Variants in CHCHD3 observed in about 807,000 individuals in gnomAD.
CHCHD3 encodes the protein MICOS complex subunit MIC19.
A neutral mutation model predicts 38.2 loss-of-function variants in CHCHD3; 20 were observed. The ratio of observed to expected loss-of-function variants is 0.52; its 90% CI spans 0.37 to 0.76. The LOEUF (loss-of-function observed/expected upper bound fraction) is 0.76. Ranked by LOEUF, CHCHD3 falls within the 30% of genes least tolerant of loss-of-function variation. The pLI is 0.00. For synonymous variants in CHCHD3, 82 were observed against 100.0 expected, an observed-to-expected ratio of 0.82 and a Z score of 1.07; for missense variants, 245 against 279.2, an observed-to-expected ratio of 0.88 and a Z score of 0.87.
At chr7:132,996,242 T>C (rs571098254) in intron 3 of CHCHD3, among the ~76,000 whole-genome samples, 43 of 152,282 alleles carry the variant, frequency 2.8e-4, no homozygotes, top group African/African-American at 9.9e-4. Flanking sequence ...CTGTGGACCT[T>C]TATGCAGGGC....
intron 5 of CHCHD3, among the ~76,000 whole-genome samples, chr7:132,868,311 T>C (rs1405303518): frequency 2.6e-5 from 4 of 152,186 alleles, no homozygotes; most frequent in Admixed American, 2.6e-4. Flanking sequence ...TACAGATCTT[T>C]TTGAAAAGTT....
At chr7:132,837,574 G>C (rs916649232) in intron 6 of CHCHD3, among the ~76,000 whole-genome samples, 8 of 152,142 alleles carry the variant, frequency 5.3e-5, no homozygotes, top group African/African-American at 1.9e-4. Context: ...AAATTGTACT[G>C]TAGCAGAAAG....
At chr7:133,004,054 G>A (rs990291117) in intron 3 of CHCHD3, among the ~76,000 whole-genome samples, 2 of 151,944 alleles carry the variant, frequency 1.3e-5, no homozygotes, top group African/African-American at 2.4e-5. Flanking sequence ...GCCGTGGAGC[G>A]ATTCTCCTGC....
chr7:132,875,516 C>A (rs376090053), intron 5 of CHCHD3, among the ~76,000 whole-genome samples: 44 of 152,188 alleles, frequency 2.9e-4, no homozygotes, highest in African/African-American at 9.6e-4. Flanking sequence ...TAACTTTCCC[C>A]CCAAAATCCC....
intron 4 of CHCHD3, among the ~76,000 whole-genome samples, chr7:132,901,470 C>CA (rs1809665833): frequency 6.6e-6 from 1 of 152,214 alleles, no homozygotes; most frequent in African/African-American, 2.4e-5. Context: ...GAGGCAAAGG[C>CA]AAAGGCCACA....
chr7:132,855,938 G>A (rs561875535), intron 5 of CHCHD3, among the ~76,000 whole-genome samples: 4 of 152,034 alleles, frequency 2.6e-5, no homozygotes, highest in Non-Finnish European at 5.9e-5. Context: ...TAGAGGACCA[G>A]TAAACAAGTC....
intron 5 of CHCHD3, among the ~76,000 whole-genome samples, chr7:132,846,031 C>T (rs534658437): frequency 6.6e-6 from 1 of 152,282 alleles, no homozygotes; most frequent in Admixed American, 6.5e-5. Flanking sequence ...TATACCCTCC[C>T]CTGTTCTCTC....
chr7:132,963,401 G>A (rs1023017396), intron 4 of CHCHD3, among the ~76,000 whole-genome samples: 2 of 145,334 alleles, frequency 1.4e-5, no homozygotes, highest in Non-Finnish European at 3.0e-5. Context: ...GGAGGCCAAG[G>A]CGGGCGGATC....
chr7:133,054,896 G>A (rs553969776), intron 2 of CHCHD3, among the ~76,000 whole-genome samples: 7 of 152,244 alleles, frequency 4.6e-5, no homozygotes, highest in Admixed American at 2.6e-4. Context: ...AGTGTTTCTT[G>A]AGCACCTTCT....
At chr7:132,817,501 C>G (rs1807229833) in intron 6 of CHCHD3, among the ~76,000 whole-genome samples, 1 of 152,058 alleles carries the variant, frequency 6.6e-6, no homozygotes, top group Non-Finnish European at 1.5e-5. Context: ...GTGCCACTTT[C>G]CAGAAGAGCC....
At chr7:132,904,510 T>A (rs893101038) in intron 4 of CHCHD3, among the ~76,000 whole-genome samples, 2 of 152,162 alleles carry the variant, frequency 1.3e-5, no homozygotes, top group Non-Finnish European at 2.9e-5. Flanking sequence ...TCATTAGTCA[T>A]CAGAGAAATG....
chr7:132,817,202 T>G (rs892824298), intron 6 of CHCHD3, among the ~76,000 whole-genome samples: 13 of 151,808 alleles, frequency 8.6e-5, no homozygotes, highest in South Asian at 2.1e-4. Context: ...TCCCAAGCTT[T>G]CTTTCTTTTT....
chr7:132,858,222 C>T (rs149773381), intron 5 of CHCHD3, among the ~76,000 whole-genome samples: 40 of 152,140 alleles, frequency 2.6e-4, no homozygotes, highest in African/African-American at 6.5e-4. Flanking sequence ...TCCACCACGC[C>T]TGGCTGATTT....
intron 3 of CHCHD3, among the ~76,000 whole-genome samples, chr7:132,977,900 C>T (rs1285304133): frequency 6.6e-6 from 1 of 151,904 alleles, no homozygotes; most frequent in African/African-American, 2.4e-5. Context: ...GAAAAAGAAG[C>T]AAAACATGAG....
intron 2 of CHCHD3, 94 bp downstream of exon 2, chr7:133,070,048 G>T: frequency 1.2e-6 from 1 of 843,028 alleles, no homozygotes; most frequent in Non-Finnish European, 1.9e-6. Flanking sequence ...TCTAAATAAC[G>T]AAAGACAGAA....
chr7:132,832,278 TATA>T (rs1807670190), intron 6 of CHCHD3, among the ~76,000 whole-genome samples: 1 of 152,160 alleles, frequency 6.6e-6, no homozygotes, highest in Non-Finnish European at 1.5e-5. Flanking sequence ...AGCCTAAATT[TATA>T]AGTCAGGTTT....
intron 1 of CHCHD3, among the ~76,000 whole-genome samples, chr7:133,075,025 T>C (rs1215230607): frequency 6.6e-6 from 1 of 152,196 alleles, no homozygotes; most frequent in African/African-American, 2.4e-5. Context: ...GGCCTGCAGC[T>C]ATTGCAAGCA....
chr7:132,871,990 G>A (rs1808777786), intron 5 of CHCHD3, among the ~76,000 whole-genome samples: 1 of 152,238 alleles, frequency 6.6e-6, no homozygotes, highest in African/African-American at 2.4e-5. Context: ...AATCTGCAGA[G>A]AGAACGCAAG....
intron 4 of CHCHD3, among the ~76,000 whole-genome samples, chr7:132,958,144 G>A (rs1035497128): frequency 1.3e-5 from 2 of 152,154 alleles, no homozygotes; most frequent in African/African-American, 4.8e-5. Context: ...CGGGCATGAG[G>A]CTAAGAGGGC....
Sources: allele counts gnomAD v4.1 joint callset (sites outside exome capture counted in the v4.1 genomes callset), GRCh38; gene constraint gnomAD v4.1.1; transcripts MANE v1.5; gene names NCBI Gene and HGNC (gene_info 2026-07-23, HGNC 2026-07-21).